The following SLC20A2 variants were observed in gnomAD, a reference collection of about 807,000 sequenced individuals.
SLC20A2 encodes the protein sodium-dependent phosphate transporter 2.
In SLC20A2, 30 loss-of-function variants were observed where a neutral mutation model predicts 61.0. That is an observed-to-expected ratio of 0.49 (90% confidence interval 0.37 to 0.67). SLC20A2 has a LOEUF of 0.67. Among genes scored for constraint, SLC20A2 ranks in the 30% least tolerant of loss-of-function variants. SLC20A2 has a pLI of 0.00. For synonymous variants in SLC20A2, 351 were observed against 353.3 expected, an observed-to-expected ratio of 0.99 and a Z score of 0.07; for missense variants, 626 against 866.4, an observed-to-expected ratio of 0.72 and a Z score of 3.48.
chr8:42,474,927 T>TG (rs1475733841), intron 1 of SLC20A2, among the ~76,000 whole-genome samples: 1 of 19,916 alleles, frequency 5.0e-5, no homozygotes, highest in African/African-American at 2.1e-4. Flanking sequence ...GGGCCTGGTG[T>TG]GGGGGGTGGG....
At chr8:42,514,127 T>G (rs1811184955) in intron 1 of SLC20A2, among the ~76,000 whole-genome samples, 1 of 152,176 alleles carries the variant, frequency 6.6e-6, no homozygotes, top group Non-Finnish European at 1.5e-5. Flanking sequence ...CTGAGAAGCT[T>G]TAAAACAAAA....
chr8:42,456,731 C>CAAA (rs986357542), intron 5 of SLC20A2, among the ~76,000 whole-genome samples: 1 of 58,570 alleles, frequency 1.7e-5, no homozygotes, highest in African/African-American at 6.8e-5. Context: ...GACTCTGTCT[C>CAAA]AAAAAAAAAA....
intron 1 of SLC20A2, among the ~76,000 whole-genome samples, chr8:42,538,976 T>C (rs975946285): frequency 6.6e-6 from 1 of 152,090 alleles, no homozygotes; most frequent in African/African-American, 2.4e-5. Flanking sequence ...GGTCAGGAGA[T>C]CGAGACCATC....
chr8:42,438,070 A>AC (rs1437095707), intron 7 of SLC20A2, among the ~76,000 whole-genome samples: 6 of 148,262 alleles, frequency 4.0e-5, no homozygotes, highest in Non-Finnish European at 7.5e-5. Context: ...AACCAAAAAA[A>AC]AAAAAAAAAA....
At chr8:42,520,104 C>T (rs1811555788) in intron 1 of SLC20A2, among the ~76,000 whole-genome samples, 1 of 149,610 alleles carries the variant, frequency 6.7e-6, no homozygotes, top group African/African-American at 2.5e-5. Flanking sequence ...ACCTCCATCT[C>T]CCGGGTTCAA....
upstream of SLC20A2, chr8:42,501,473 C>T (rs1447242988): frequency 1.3e-5 from 2 of 152,312 alleles, no homozygotes; most frequent in Middle Eastern, 3.4e-3. Flanking sequence ...TCAAATCAGA[C>T]CAAACTTTGG....
In SLC20A2 at chr8:42,437,090, C is replaced by A. The variant is rs369424739; in HGVS notation, c.1422G>T (p.Glu474Asp). 45 of 1,613,986 alleles carry A rather than the reference C, an allele frequency of 2.8e-5. No individual in the cohort carries two copies. Among genetic ancestry groups the A allele is most frequent in the Non-Finnish European group, 1.7e-6 (2 of 1,180,046 alleles). Residue 474 changes from glutamate to aspartate, a missense_variant, in exon 8 of 11, where the codon GAG becomes GAT. Transcript: ENST00000520262. This position sits in a 1 kb window ranked among gnomAD's most constrained non-coding sequence, Gnocchi z 6.4. ...DQPREDPAEEEKEEKDAPEVH... is the reference protein window; with the variant it reads ...DQPREDPAEEDKEEKDAPEVH... Reference sequence around the variant, plus strand: ...CCTCGGGTGCGTCCTTCTCCTCCTTCTCCTCCTCTGCAGGGTCCTCTCGCG... The same window carrying A: ...CCTCGGGTGCGTCCTTCTCCTCCTTATCCTCCTCTGCAGGGTCCTCTCGCG...
intron 1 of SLC20A2, among the ~76,000 whole-genome samples, chr8:42,498,492 G>C (rs571904261): frequency 6.6e-6 from 1 of 152,250 alleles, no homozygotes; most frequent in Non-Finnish European, 1.5e-5. Context: ...AGGGGGCCCA[G>C]TTTCTGTGTC....
intron 4 of SLC20A2, among the ~76,000 whole-genome samples, chr8:42,462,607 G>A (rs935427946): frequency 1.3e-5 from 2 of 150,586 alleles, no homozygotes; most frequent in Non-Finnish European, 3.0e-5. Context: ...AAAAAAAAAG[G>A]GAACACACCT....
intron 1 of SLC20A2, among the ~76,000 whole-genome samples, chr8:42,527,530 C>A (rs1191630917): frequency 6.6e-6 from 1 of 152,026 alleles, no homozygotes; most frequent in Non-Finnish European, 1.5e-5. Context: ...GTAACCCTAG[C>A]ACTTTGGGGG....
chr8:42,532,315 T>C (rs924887224), intron 1 of SLC20A2, among the ~76,000 whole-genome samples: 5 of 152,204 alleles, frequency 3.3e-5, no homozygotes, highest in Admixed American at 3.3e-4. Flanking sequence ...AAATTAACAA[T>C]GAGTCCTTTT....
intron 1 of SLC20A2, among the ~76,000 whole-genome samples, chr8:42,507,191 C>T (rs2131364633): frequency 6.6e-6 from 1 of 152,332 alleles, no homozygotes; most frequent in Admixed American, 6.5e-5. Context: ...CCACTAGTAT[C>T]AGGTGGTTTG....
chr8:42,454,048 G>A (rs1035940258), intron 5 of SLC20A2, among the ~76,000 whole-genome samples: 2 of 152,056 alleles, frequency 1.3e-5, no homozygotes, highest in Admixed American at 6.6e-5. Flanking sequence ...CTGTCTCCCA[G>A]GCTGGAGTGC....
At chr8:42,523,747 A>C (rs373640369) in intron 1 of SLC20A2, among the ~76,000 whole-genome samples, 27 of 152,302 alleles carry the variant, frequency 1.8e-4, no homozygotes, top group African/African-American at 6.3e-4. Flanking sequence ...AGCTTTGTAA[A>C]GTCCCAATGC....
At chr8:42,450,588 A>G (rs1463706199) in intron 5 of SLC20A2, among the ~76,000 whole-genome samples, 1 of 151,616 alleles carries the variant, frequency 6.6e-6, no homozygotes, top group African/African-American at 2.4e-5. Context: ...CAGTGGCTCA[A>G]TCTCCACTCA....
chr8:42,452,750 C>T (rs185949695), intron 5 of SLC20A2, among the ~76,000 whole-genome samples: 21 of 151,816 alleles, frequency 1.4e-4, no homozygotes, highest in African/African-American at 5.1e-4. Context: ...CGCAGGAGGC[C>T]GCAGAGGCAG....
At chr8:42,433,468 C>A (rs561559480) in intron 8 of SLC20A2, among the ~76,000 whole-genome samples, 2 of 152,264 alleles carry the variant, frequency 1.3e-5, no homozygotes, top group East Asian at 3.9e-4. Context: ...GGATTACAGG[C>A]ACGTGCCACC....
At chr8:42,483,828 A>G (rs1265227967) in intron 1 of SLC20A2, among the ~76,000 whole-genome samples, 6 of 152,218 alleles carry the variant, frequency 3.9e-5, no homozygotes, top group Non-Finnish European at 5.9e-5. Context: ...TCCAAGAGCT[A>G]TATTAGGAAA....
intron 1 of SLC20A2, among the ~76,000 whole-genome samples, chr8:42,475,510 A>G (rs1808008722): frequency 6.6e-6 from 1 of 151,936 alleles, no homozygotes; most frequent in Non-Finnish European, 1.5e-5. Flanking sequence ...CCTGGGTTCA[A>G]GAGATTCTCC....
Sources: gnomAD v4.1 joint callset for allele counts (sites outside exome capture counted in the v4.1 genomes callset) on GRCh38, gnomAD v4.1.1 for gene constraint, Gnocchi (gnomAD v3.1) non-coding constraint, MANE v1.5 for transcripts, NCBI Gene and HGNC (gene_info 2026-07-23, HGNC 2026-07-21) for gene names.